The following SP4 variants were observed in gnomAD, a reference collection of about 807,000 sequenced individuals.
SP4 encodes Sp4 transcription factor, also known as transcription factor Sp4.
A neutral mutation model predicts 72.8 loss-of-function variants in SP4; 19 were observed. That is an observed-to-expected ratio of 0.26 (90% CI 0.18 to 0.38). SP4 has a LOEUF of 0.38. Ranked by LOEUF, SP4 falls within the 10% of genes least tolerant of loss-of-function variation. SP4 has a pLI of 1.00. For synonymous variants in SP4, 395 were observed against 333.1 expected (o/e 1.19, Z -2.02); for missense variants, 1,008 against 926.3 (o/e 1.09, Z -1.14).
At chr7:21,437,848 T>C (rs1011479333) in intron 3 of SP4, among the ~76,000 whole-genome samples, 2 of 152,168 alleles carry the variant, frequency 1.3e-5, no homozygotes, top group Non-Finnish European at 2.9e-5. Flanking sequence ...GGTGGCACAT[T>C]TTAAATGGGA....
At chr7:21,505,586 A>C (rs1294404561) in intron 5 of SP4, among the ~76,000 whole-genome samples, 1 of 152,202 alleles carries the variant, frequency 6.6e-6, no homozygotes, top group African/African-American at 2.4e-5. Flanking sequence ...GAGGTTCCCT[A>C]ATCCTAAAGT....
At chr7:21,451,390 G>T (rs972197432) in intron 3 of SP4, among the ~76,000 whole-genome samples, 1 of 152,162 alleles carries the variant, frequency 6.6e-6, no homozygotes, top group Non-Finnish European at 1.5e-5. Context: ...TGGTTGCGGG[G>T]TTAGGGGGTG....
intron 3 of SP4, among the ~76,000 whole-genome samples, chr7:21,447,197 G>T (rs1783453679): frequency 6.6e-6 from 1 of 152,152 alleles, no homozygotes; most frequent in African/African-American, 2.4e-5. Flanking sequence ...TTAGGCCTGA[G>T]ATTCTCTAGC....
At chr7:21,431,524 T>C (rs888992366) in intron 3 of SP4, among the ~76,000 whole-genome samples, 1 of 152,214 alleles carries the variant, frequency 6.6e-6, no homozygotes, top group Admixed American at 6.5e-5. Context: ...AGATGTTTAA[T>C]GTAAGGTTGG....
intron 3 of SP4, among the ~76,000 whole-genome samples, chr7:21,442,006 TTGTGTGTGTGTGTG>T (rs58100749): frequency 1.4e-4 from 18 of 130,556 alleles, no homozygotes; most frequent in East Asian, 7.4e-4. Context: ...GTGTGTGTGT[TTGTGTGTGTGTGTG>T]TGTGTGTGTG....
intron 3 of SP4, among the ~76,000 whole-genome samples, chr7:21,466,051 T>C (rs1310085873): frequency 3.9e-5 from 6 of 152,188 alleles, no homozygotes; most frequent in Admixed American, 2.6e-4. Context: ...TCATCTCCTC[T>C]GTGAAGCCTT....
intron 3 of SP4, chr7:21,471,166 C>T (rs779944471): frequency 1.9e-6 from 1 of 533,294 alleles, no homozygotes; most frequent in South Asian, 1.4e-5. Context: ...AGTTATAAAA[C>T]TAAGCAGGAG....
intron 3 of SP4, among the ~76,000 whole-genome samples, chr7:21,461,136 C>G (rs923325261): frequency 6.6e-6 from 1 of 152,238 alleles, no homozygotes; most frequent in African/African-American, 2.4e-5. Flanking sequence ...TGGCTTCACC[C>G]AGTGGATTTC....
chr7:21,489,828 G>A (rs2128413229), intron 5 of SP4, among the ~76,000 whole-genome samples: 1 of 152,028 alleles, frequency 6.6e-6, no homozygotes, highest in Non-Finnish European at 1.5e-5. Flanking sequence ...AAAGTGCTGG[G>A]ATTACAGGCG....
At chr7:21,475,612 C>T (rs1347753243) in intron 3 of SP4, among the ~76,000 whole-genome samples, 7 of 151,240 alleles carry the variant, frequency 4.6e-5, no homozygotes, top group Admixed American at 2.6e-4. Context: ...TACAGGCGCC[C>T]GCCACCACGC....
chr7:21,503,119 A>G (rs910573425), intron 5 of SP4, among the ~76,000 whole-genome samples: 1 of 151,974 alleles, frequency 6.6e-6, no homozygotes, highest in Non-Finnish European at 1.5e-5. Context: ...TCTTCTTTCC[A>G]AGTCTTAATC....
intron 5 of SP4, among the ~76,000 whole-genome samples, chr7:21,496,666 G>T (rs1781716844): frequency 6.6e-6 from 1 of 152,102 alleles, no homozygotes; most frequent in Non-Finnish European, 1.5e-5. Context: ...TGGATATGCA[G>T]ATTATTATTT....
intron 3 of SP4, among the ~76,000 whole-genome samples, chr7:21,444,458 G>T (rs1433343935): frequency 6.6e-6 from 1 of 152,108 alleles, no homozygotes; most frequent in African/African-American, 2.4e-5. Context: ...TCTCCTTTCA[G>T]GTATAAAAAC....
Position 21,511,483 on chromosome 7 carries a change from C to T in SP4, c.*214C>T, listed in dbSNP as rs977745865. ...TGTACTGGAAACAGAAAAGTATTTC[C>T]TCCATACTATAAGTTGTAGTTGTTT... On this transcript the variant is annotated 3_prime_UTR_variant, in exon 6 of 6. Coordinates refer to ENST00000222584, the MANE Select transcript of SP4 (RefSeq NM_003112.5). 2 of 525,950 alleles carry T rather than the reference C, an allele frequency of 3.8e-6. No individual in the cohort carries two copies. The highest frequency in any genetic ancestry group is 3.8e-5 in the African/African-American group (2 of 52,834). 32.6% of individuals were successfully genotyped at this position (525,950 alleles called of 1,614,324 possible).
chr7:21,457,772 G>GGT (rs377190689), intron 3 of SP4, among the ~76,000 whole-genome samples: 87 of 151,360 alleles, frequency 5.7e-4, no homozygotes, highest in Non-Finnish European at 8.3e-4. Context: ...TTTCAATAGG[G>GGT]GTGTGTGTGT....
chr7:21,463,743 C>G (rs1784074813), intron 3 of SP4, among the ~76,000 whole-genome samples: 1 of 152,204 alleles, frequency 6.6e-6, no homozygotes, highest in Admixed American at 6.5e-5. Context: ...TAGGAGACAT[C>G]TGAATGTAGA....
chr7:21,449,502 TGAA>T (rs1783525281), intron 3 of SP4, among the ~76,000 whole-genome samples: 1 of 152,320 alleles, frequency 6.6e-6, no homozygotes, highest in Non-Finnish European at 1.5e-5. Context: ...GGAAGTAACT[TGAA>T]GAGATTCAGA....
At chr7:21,466,378 T>C (rs1784168386) in intron 3 of SP4, among the ~76,000 whole-genome samples, 1 of 152,188 alleles carries the variant, frequency 6.6e-6, no homozygotes, top group Admixed American at 6.5e-5. Context: ...GAGTTAACAT[T>C]CCTCTTGAGT....
intron 3 of SP4, among the ~76,000 whole-genome samples, chr7:21,470,527 C>T (rs1475694855): frequency 6.6e-6 from 1 of 152,050 alleles, no homozygotes; most frequent in Non-Finnish European, 1.5e-5. Context: ...ATGCCTTTTT[C>T]CTTTACCAGC....
Sources: allele counts gnomAD v4.1 joint callset (sites outside exome capture counted in the v4.1 genomes callset), GRCh38; gene constraint gnomAD v4.1.1; transcripts MANE v1.5; gene names NCBI Gene and HGNC (gene_info 2026-07-23, HGNC 2026-07-21).